Variants in CELF2 observed in about 807,000 individuals in gnomAD.
The protein encoded by CELF2 is CUG triplet repeat RNA-binding protein 2.
A neutral mutation model predicts 62.6 loss-of-function variants in CELF2; 8 were observed. The ratio of observed to expected loss-of-function variants is 0.13; its 90% confidence interval spans 0.07 to 0.23. The LOEUF (loss-of-function observed/expected upper bound fraction) is 0.23, where lower values mean the gene tolerates loss of function less well. CELF2 is among the 10% of genes least tolerant of loss of function. CELF2 has a pLI of 1.00. For synonymous variants in CELF2, 258 were observed against 250.0 expected (o/e 1.03, Z -0.30); for missense variants, 333 against 671.0 (o/e 0.50, Z 5.56).
chr10:11,053,759 C>A (rs1008799625), intron 1 of CELF2, among the ~76,000 whole-genome samples: 1 of 151,630 alleles, frequency 6.6e-6, no homozygotes, highest in Non-Finnish European at 1.5e-5. Context: ...GGACTACAGG[C>A]GCCCACCACC....
chr10:10,802,731 A>C (rs1217886449), intron 1 of CELF2, among the ~76,000 whole-genome samples: 4 of 152,150 alleles, frequency 2.6e-5, no homozygotes, highest in African/African-American at 9.7e-5. Context: ...GAAGTCATAG[A>C]ACTCATTAGC....
rs531855554 is a variant in CELF2 at position 11,196,958 on chromosome 10, C to G, written c.272-20467C>G. Reference sequence around the variant, plus strand: ...TGGGCGACAGAGCGAGACTCTGTCTCAAAAGAAAAAGAAAGAAAGAGAGAA... The same window carrying G: ...TGGGCGACAGAGCGAGACTCTGTCTGAAAAGAAAAAGAAAGAAAGAGAGAA... On this transcript the variant is annotated intron_variant, in intron 2 of 12. Coordinates refer to ENST00000633077, the MANE Select transcript of CELF2 (RefSeq NM_001326342.2). Among the ~76,000 whole-genome samples the G allele has an allele frequency of 7.7e-5, 9 of 116,242 alleles. No individual in the cohort carries two copies. In the South Asian group the frequency reaches 2.3e-3, roughly 30 times the overall value. 76.3% of individuals were successfully genotyped at this position (116,242 alleles called of 152,430 possible).
At chr10:10,754,061 G>GTTTTT in the CELF2 span, among the ~76,000 whole-genome samples, 37 of 85,040 alleles carry the variant, frequency 4.4e-4, no homozygotes, top group East Asian at 2.9e-3. Context: ...TGCTGAGGTG[G>GTTTTT]TTTTTTTTTT....
intron 1 of CELF2, among the ~76,000 whole-genome samples, chr10:10,812,117 C>T (rs2018867): frequency 0.45 from 68,252 of 151,912 alleles, 15,723 homozygotes; most frequent in African/African-American, 0.58. Context: ...AAGACATACC[C>T]GAGAGTGGGT....
At chr10:11,293,266 G>T (rs760668178) in intron 9 of CELF2, among the ~76,000 whole-genome samples, 1 of 152,218 alleles carries the variant, frequency 6.6e-6, no homozygotes, top group Non-Finnish European at 1.5e-5. Context: ...AATAGTGTGG[G>T]TGGGTATAAA....
chr10:11,138,098 A>G (rs1204344883), intron 1 of CELF2, among the ~76,000 whole-genome samples: 1 of 152,024 alleles, frequency 6.6e-6, no homozygotes, highest in East Asian at 1.9e-4. Context: ...ACACAAATTT[A>G]AAGTTATTTC....
At chr10:11,022,354 C>T (rs909076303) in intron 1 of CELF2, among the ~76,000 whole-genome samples, 3 of 152,112 alleles carry the variant, frequency 2.0e-5, no homozygotes, top group Non-Finnish European at 2.9e-5. Flanking sequence ...TTTAATCTTG[C>T]TGTTTAATTG....
the CELF2 span, among the ~76,000 whole-genome samples, chr10:10,585,201 A>G: frequency 6.6e-6 from 1 of 152,204 alleles, no homozygotes; most frequent in African/African-American, 2.4e-5. Context: ...GTGGAGGGTT[A>G]GAGAATTCCC....
chr10:11,121,455 C>T (rs1003867564), intron 1 of CELF2, among the ~76,000 whole-genome samples: 10 of 151,988 alleles, frequency 6.6e-5, no homozygotes, highest in African/African-American at 2.4e-4. Flanking sequence ...CCTTGCTGTC[C>T]CTCCCTTCTT....
At chr10:10,978,039 T>TG (rs1170730548) in intron 2 of CELF2, among the ~76,000 whole-genome samples, 1 of 148,912 alleles carries the variant, frequency 6.7e-6, no homozygotes, top group Non-Finnish European at 1.5e-5. Context: ...TTTTTGTTTT[T>TG]TGTTTTTTTT....
In CELF2 at chr10:11,334,119, C is replaced by CAGTT. The variant is rs1383507301; in HGVS notation, c.*5068_*5071dup. ...GTTTCACTTTTTATTCTGTATTGTG[C>CAGTT]AGTTACACAATAAGGTAATTAGATT... is the stretch of plus-strand genomic sequence containing the variant. On this transcript the variant is annotated 3_prime_UTR_variant, in exon 13 of 13. Transcript: ENST00000633077. 1 of 152,546 alleles carries CAGTT rather than the reference C, an allele frequency of 6.6e-6. No homozygotes were observed. The highest frequency in any genetic ancestry group is 1.9e-4 in the East Asian group (1 of 5,204). 9.4% of individuals were successfully genotyped at this position (152,546 alleles called of 1,614,324 possible). A position where few individuals can be genotyped will look rare whatever the true frequency, so the allele number is the denominator to read the frequency against.
intron 1 of CELF2, among the ~76,000 whole-genome samples, chr10:11,033,151 TC>T (rs2060389212): frequency 6.6e-6 from 1 of 152,172 alleles, no homozygotes; most frequent in Non-Finnish European, 1.5e-5. Flanking sequence ...GCATAGACAT[TC>T]CTCATCAAAT....
intron 1 of CELF2, among the ~76,000 whole-genome samples, chr10:11,077,633 A>T (rs2072481696): frequency 6.6e-6 from 1 of 152,202 alleles, no homozygotes; most frequent in African/African-American, 2.4e-5. Context: ...TTTGAAGTTG[A>T]AACCAGAAAG....
the CELF2 span, among the ~76,000 whole-genome samples, chr10:10,479,209 C>T: frequency 8.2e-3 from 1,243 of 152,192 alleles, 15 homozygotes; most frequent in African/African-American, 0.029. Context: ...TGCTCTGTCA[C>T]CCAGGCTGGA....
the CELF2 span, among the ~76,000 whole-genome samples, chr10:10,519,142 T>C: frequency 6.6e-6 from 1 of 152,124 alleles, no homozygotes; most frequent in South Asian, 2.1e-4. Context: ...CAAAATGGAA[T>C]TGGCTAAAGT....
intron 2 of CELF2, among the ~76,000 whole-genome samples, chr10:10,968,123 T>C (rs1028521998): frequency 6.7e-5 from 10 of 150,180 alleles, no homozygotes; most frequent in Admixed American, 4.6e-4. Flanking sequence ...TATAGAAAGG[T>C]CAACAAAACG....
the CELF2 span, among the ~76,000 whole-genome samples, chr10:10,581,058 G>T: frequency 6.6e-6 from 1 of 152,154 alleles, no homozygotes; most frequent in Non-Finnish European, 1.5e-5. Context: ...ATGTGTTTTT[G>T]TGTTTTAAAT....
rs543223439 is a variant in CELF2, at chr10:11,247,958, G to A, written c.355-1195G>A. Among the ~76,000 whole-genome samples the A allele has an allele frequency of 3.4e-4, 52 of 152,280 alleles. 1 individual carries two copies. In the South Asian group the frequency reaches 0.011, roughly 31 times the overall value. ...ACCCAGGCCGGCATTAGGTGCACGT[G>A]ATCCTGACTGCCTGATGATAATTTC... is the stretch of plus-strand genomic sequence containing the variant. On this transcript the variant is annotated intron_variant, in intron 3 of 12. Transcript: ENST00000633077. This position sits in a 1 kb window ranked among gnomAD's most constrained non-coding sequence, Gnocchi z 5.4.
At chr10:10,829,910 C>T (rs964545355) in intron 1 of CELF2, among the ~76,000 whole-genome samples, 3 of 152,108 alleles carry the variant, frequency 2.0e-5, no homozygotes, top group Non-Finnish European at 2.9e-5. Context: ...GAACTGATGT[C>T]ATCTCATTTT....
Sources: gnomAD v4.1 joint callset for allele counts (sites outside exome capture counted in the v4.1 genomes callset) on GRCh38, gnomAD v4.1.1 for gene constraint, Gnocchi (gnomAD v3.1) non-coding constraint, MANE v1.5 for transcripts, NCBI Gene and HGNC (gene_info 2026-07-23, HGNC 2026-07-21) for gene names.